INPP4B: variants seen among roughly 807,000 people sequenced by gnomAD.
INPP4B encodes inositol polyphosphate-4-phosphatase type II B.
A neutral mutation model predicts 122.5 loss-of-function variants in INPP4B; 55 were observed. That is an observed-to-expected ratio of 0.45 (90% confidence interval 0.36 to 0.56). The LOEUF (loss-of-function observed/expected upper bound fraction) is 0.56. Among genes scored for constraint, INPP4B ranks in the 20% least tolerant of loss-of-function variants. The pLI is 0.00. For synonymous variants in INPP4B, 403 were observed against 388.7 expected (o/e 1.04, Z -0.43); for missense variants, 1,000 against 1,097.7 (o/e 0.91, Z 1.26).
At chr4:142,078,201 A>C (rs1200294619) in intron 25 of INPP4B, among the ~76,000 whole-genome samples, 17 of 151,940 alleles carry the variant, frequency 1.1e-4, no homozygotes, top group Admixed American at 1.1e-3. Flanking sequence ...AGGAAGTCTG[A>C]ATTTTTTGAC....
At chr4:142,360,255 G>A (rs1251790727) in intron 7 of INPP4B, among the ~76,000 whole-genome samples, 1 of 151,844 alleles carries the variant, frequency 6.6e-6, no homozygotes, top group Non-Finnish European at 1.5e-5. Flanking sequence ...CTATCTATAA[G>A]GGTAAATGAG....
intron 2 of INPP4B, among the ~76,000 whole-genome samples, chr4:142,699,053 C>T (rs559603248): frequency 4.4e-4 from 67 of 152,168 alleles, no homozygotes; most frequent in Middle Eastern, 6.8e-3. Context: ...TACTGTTTCA[C>T]GGGTAAAATG....
intron 2 of INPP4B, among the ~76,000 whole-genome samples, chr4:142,534,020 A>G (rs1827913927): frequency 6.6e-6 from 1 of 152,206 alleles, no homozygotes; most frequent in African/African-American, 2.4e-5. Context: ...TTGCACTGGC[A>G]TTGCTGCAGA....
intron 2 of INPP4B, among the ~76,000 whole-genome samples, chr4:142,537,400 GTATATATA>G (rs34425745): frequency 0.024 from 785 of 32,958 alleles, 23 homozygotes; most frequent in Middle Eastern, 0.038. Context: ...TTTACATACA[GTATATATA>G]TATATATATA....
chr4:142,750,702 G>T (rs1769554114), intron 1 of INPP4B, among the ~76,000 whole-genome samples: 1 of 152,072 alleles, frequency 6.6e-6, no homozygotes, highest in African/African-American at 2.4e-5. Flanking sequence ...AGATTGAGGG[G>T]TCCAATTACA....
intron 2 of INPP4B, among the ~76,000 whole-genome samples, chr4:142,587,393 A>T: frequency 6.6e-6 from 1 of 152,224 alleles, no homozygotes; most frequent in East Asian, 1.9e-4. Flanking sequence ...CCTTTTATAA[A>T]TGGGTTTTAC....
At chr4:142,395,360 G>T (rs1040281354) in intron 7 of INPP4B, among the ~76,000 whole-genome samples, 1 of 152,182 alleles carries the variant, frequency 6.6e-6, no homozygotes, top group Admixed American at 6.5e-5. Flanking sequence ...ATTAAAAGTT[G>T]CTAGAGACTG....
At chr4:142,071,624 T>G (rs1361906050) in intron 25 of INPP4B, among the ~76,000 whole-genome samples, 4 of 152,186 alleles carry the variant, frequency 2.6e-5, no homozygotes, top group Admixed American at 2.6e-4. Flanking sequence ...TACAAAGAAC[T>G]TCAGCAAATT....
chr4:142,053,872 T>G (rs1168160556), intron 25 of INPP4B, among the ~76,000 whole-genome samples: 1 of 152,114 alleles, frequency 6.6e-6, no homozygotes, highest in Non-Finnish European at 1.5e-5. Context: ...CTAAGCTATT[T>G]GCACTTGAAT....
chr4:142,674,850 C>A (rs749145636), intron 2 of INPP4B, among the ~76,000 whole-genome samples: 3 of 151,998 alleles, frequency 2.0e-5, no homozygotes, highest in Non-Finnish European at 2.9e-5. Context: ...TGGGACACAG[C>A]TAAAGCAGTG....
chr4:142,657,874 A>C (rs1754450532), intron 2 of INPP4B, among the ~76,000 whole-genome samples: 1 of 152,220 alleles, frequency 6.6e-6, no homozygotes, highest in African/African-American at 2.4e-5. Context: ...AATCAAATTT[A>C]AGTTTCAAAA....
At chr4:142,498,216 T>C (rs546540867) in intron 2 of INPP4B, among the ~76,000 whole-genome samples, 305 of 149,616 alleles carry the variant, frequency 2.0e-3, no homozygotes, top group Middle Eastern at 6.9e-3. Flanking sequence ...TATATATATA[T>C]ACACATATAC....
intron 7 of INPP4B, among the ~76,000 whole-genome samples, chr4:142,342,415 A>C (rs948058787): frequency 2.0e-5 from 3 of 152,196 alleles, no homozygotes; most frequent in African/African-American, 7.2e-5. Flanking sequence ...AACAAAATTG[A>C]GAAATAAAAG....
intron 18 of INPP4B, among the ~76,000 whole-genome samples, chr4:142,141,496 T>A (rs1419709812): frequency 2.6e-5 from 4 of 152,110 alleles, no homozygotes; most frequent in Non-Finnish European, 5.9e-5. Context: ...CTTCATTCAT[T>A]AGGAAACCAC....
At chr4:142,838,573 A>G (rs1783107230) in intron 1 of INPP4B, among the ~76,000 whole-genome samples, 1 of 152,172 alleles carries the variant, frequency 6.6e-6, no homozygotes, top group South Asian at 2.1e-4. Flanking sequence ...AAAAAGTCAA[A>G]AAAGTATGTA....
intron 2 of INPP4B, among the ~76,000 whole-genome samples, chr4:142,603,233 G>T (rs1197952147): frequency 6.6e-6 from 1 of 152,006 alleles, no homozygotes; most frequent in African/African-American, 2.4e-5. Flanking sequence ...GTCAGAGAGG[G>T]GTGTGGGGGG....
At chr4:142,148,886 T>A (rs1235479123) in intron 17 of INPP4B, among the ~76,000 whole-genome samples, 2 of 152,204 alleles carry the variant, frequency 1.3e-5, no homozygotes, top group East Asian at 3.9e-4. Flanking sequence ...GACACAATAT[T>A]TATTAGGGTG....
At position 142,152,066 on chromosome 4, in the gene INPP4B, C is replaced by CTTTTTTTTTTTTTTTTTT. The variant is rs572092121; in HGVS notation, c.1564-6088_1564-6071dup. On this transcript the variant is annotated intron_variant, in intron 17 of 25. Coordinates refer to ENST00000262992, the MANE Select transcript of INPP4B (RefSeq NM_001101669.3). Reference sequence around the variant, plus strand: ...TGCCTAACATGCTTTTTTGTCTTTTCTTTTTTTTTTTTTTTTTTTTTTTTT... The same window carrying CTTTTTTTTTTTTTTTTTT: ...TGCCTAACATGCTTTTTTGTCTTTTCTTTTTTTTTTTTTTTTTTTTTTTTTTTTTTTTTTTTTTTTTTT... Among the ~76,000 whole-genome samples the CTTTTTTTTTTTTTTTTTT allele has an allele frequency of 4.1e-4, 29 of 69,952 alleles. 4 individuals carry two copies. Among genetic ancestry groups the CTTTTTTTTTTTTTTTTTT allele is most frequent in the African/African-American group, 1.6e-3 (29 of 18,002 alleles). 45.9% of individuals were successfully genotyped at this position (69,952 alleles called of 152,430 possible).
chr4:142,619,028 C>T (rs887104842), intron 2 of INPP4B, among the ~76,000 whole-genome samples: 4 of 151,948 alleles, frequency 2.6e-5, no homozygotes, highest in African/African-American at 9.7e-5. Flanking sequence ...CAAATCAACA[C>T]CACATTGAGA....
Sources: allele counts gnomAD v4.1 joint callset (sites outside exome capture counted in the v4.1 genomes callset), GRCh38; gene constraint gnomAD v4.1.1; transcripts MANE v1.5; gene names NCBI Gene and HGNC (gene_info 2026-07-23, HGNC 2026-07-21).